PRKN: variants seen among roughly 807,000 people sequenced by gnomAD.
The protein encoded by PRKN is E3 ubiquitin-protein ligase parkin.
A neutral mutation model predicts 59.5 loss-of-function variants in PRKN; 56 were observed. The ratio of observed to expected loss-of-function variants is 0.94; its 90% CI spans 0.76 to 1.18. PRKN has a LOEUF of 1.18. PRKN is among the 50% of genes most tolerant of loss of function. The pLI, the probability that PRKN is intolerant of heterozygous loss-of-function variation, is 0.00. For synonymous variants in PRKN, 250 were observed against 222.1 expected (o/e 1.13, Z -1.12); for missense variants, 657 against 596.4 (o/e 1.10, Z -1.06).
At chr6:162,086,174 C>T (rs1166462278) in intron 4 of PRKN, among the ~76,000 whole-genome samples, 3 of 152,060 alleles carry the variant, frequency 2.0e-5, no homozygotes, top group African/African-American at 7.2e-5. Flanking sequence ...CTTTAGGGAG[C>T]ATTTCTTTAA....
At chr6:161,923,445 G>C (rs943029256) in intron 6 of PRKN, among the ~76,000 whole-genome samples, 2 of 152,038 alleles carry the variant, frequency 1.3e-5, no homozygotes, top group African/African-American at 4.8e-5. Flanking sequence ...ATCACACCCT[G>C]CCTCAATAAA....
chr6:161,704,252 G>A, intron 7 of PRKN, among the ~76,000 whole-genome samples: 1 of 152,110 alleles, frequency 6.6e-6, no homozygotes, highest in East Asian at 1.9e-4. Context: ...CTGAGTGCAT[G>A]AAGGCAGTCT....
At chr6:162,073,679 C>T (rs113614469) in intron 4 of PRKN, among the ~76,000 whole-genome samples, 40 of 152,128 alleles carry the variant, frequency 2.6e-4, no homozygotes, top group African/African-American at 6.8e-4. Context: ...GTGGAACTCC[C>T]GGGCTCAAGC....
intron 2 of PRKN, among the ~76,000 whole-genome samples, chr6:162,340,347 T>C (rs1784118895): frequency 6.6e-6 from 1 of 152,168 alleles, no homozygotes. Context: ...TTCATTGTTC[T>C]GAAAATTGGA....
chr6:161,757,933 G>GTGTGTGTATATATATA (rs1554301354), intron 7 of PRKN, among the ~76,000 whole-genome samples: 7 of 101,432 alleles, frequency 6.9e-5, no homozygotes, highest in African/African-American at 1.9e-4. Context: ...CTCTCTCTCT[G>GTGTGTGTATATATATA]TATATATATG....
At chr6:162,494,915 A>G (rs1374800871) in intron 1 of PRKN, among the ~76,000 whole-genome samples, 1 of 152,228 alleles carries the variant, frequency 6.6e-6, no homozygotes, top group African/African-American at 2.4e-5. Flanking sequence ...AGACCAGAAC[A>G]TAGTAGCTAA....
intron 1 of PRKN, among the ~76,000 whole-genome samples, chr6:162,548,367 T>C (rs974708733): frequency 6.6e-6 from 1 of 152,178 alleles, no homozygotes; most frequent in Non-Finnish European, 1.5e-5. Context: ...CTCTCTCTGA[T>C]AGTTTTTTAA....
At chr6:162,441,602 A>G (rs374786267) in intron 2 of PRKN, among the ~76,000 whole-genome samples, 30 of 152,332 alleles carry the variant, frequency 2.0e-4, no homozygotes, top group African/African-American at 6.5e-4. Context: ...AAAAATGGCA[A>G]TCCCATATGG....
chr6:161,929,517 C>CTTTTTTTTTTTTTTT (rs759945931), intron 6 of PRKN, among the ~76,000 whole-genome samples: 1 of 72,272 alleles, frequency 1.4e-5, no homozygotes, highest in Non-Finnish European at 2.5e-5. Flanking sequence ...AATTTCACCT[C>CTTTTTTTTTTTTTTT]TTTTTTTTTT....
intron 2 of PRKN, among the ~76,000 whole-genome samples, chr6:162,301,619 G>A (rs1781955866): frequency 2.0e-5 from 3 of 151,888 alleles, no homozygotes. Context: ...CTCTGTGTTT[G>A]TGCTCTCATG....
chr6:162,506,936 T>C (rs1793636707), intron 1 of PRKN, among the ~76,000 whole-genome samples: 2 of 152,120 alleles, frequency 1.3e-5, no homozygotes, highest in Admixed American at 1.3e-4. Context: ...ATCCCATATT[T>C]TGAGGAAATT....
At chr6:161,916,927 G>A (rs1273999817) in intron 6 of PRKN, among the ~76,000 whole-genome samples, 3 of 151,944 alleles carry the variant, frequency 2.0e-5, no homozygotes, top group Non-Finnish European at 2.9e-5. Flanking sequence ...CCAGCCTCCC[G>A]AGTAGCTGGG....
chr6:161,450,851 G>A lies in PRKN; in HGVS notation c.1084-63974C>T, dbSNP rs139995195. Reference sequence around the variant, plus strand: ...ATTACAGGCGTGAGCCACCATGCCCGGCTTGTTTTCTTAATTTAATTAAAA... The same window carrying A: ...ATTACAGGCGTGAGCCACCATGCCCAGCTTGTTTTCTTAATTTAATTAAAA... On this transcript the variant is annotated intron_variant, in intron 9 of 11. Coordinates refer to ENST00000366898, the MANE Select transcript of PRKN (RefSeq NM_004562.3). Among the ~76,000 whole-genome samples, 4 of 152,184 alleles carry A rather than the reference G, an allele frequency of 2.6e-5. No homozygotes were observed. The East Asian group carries it at 5.8e-4, about 22-fold the overall frequency.
intron 4 of PRKN, among the ~76,000 whole-genome samples, chr6:162,150,101 G>C (rs976037281): frequency 6.6e-6 from 1 of 152,140 alleles, no homozygotes; most frequent in Non-Finnish European, 1.5e-5. Context: ...TCATTTCGTA[G>C]TAATATTCCC....
intron 1 of PRKN, among the ~76,000 whole-genome samples, chr6:162,579,747 CACACACATTT>C (rs1780713874): frequency 6.6e-6 from 1 of 151,624 alleles, no homozygotes; most frequent in African/African-American, 2.4e-5. Flanking sequence ...CACACACATT[CACACACATTT>C]ACAAACATAT....
intron 2 of PRKN, among the ~76,000 whole-genome samples, chr6:162,431,892 T>C (rs1190588811): frequency 6.6e-6 from 1 of 152,184 alleles, no homozygotes. Flanking sequence ...AAGTAATTAG[T>C]GAATTTATTG....
At chr6:161,539,498 T>C (rs1213530412) in intron 9 of PRKN, among the ~76,000 whole-genome samples, 1 of 150,372 alleles carries the variant, frequency 6.7e-6, no homozygotes, top group Non-Finnish European at 1.5e-5. Context: ...GCATATTTCC[T>C]TCTCCCTAAG....
At chr6:162,513,736 TA>T (rs1183465253) in intron 1 of PRKN, among the ~76,000 whole-genome samples, 1 of 152,030 alleles carries the variant, frequency 6.6e-6, no homozygotes, top group East Asian at 1.9e-4. Flanking sequence ...AGGCATCAGG[TA>T]GTAAAACTGT....
At chr6:161,416,461 A>G (rs956206889) in intron 9 of PRKN, among the ~76,000 whole-genome samples, 2 of 152,118 alleles carry the variant, frequency 1.3e-5, no homozygotes, top group Non-Finnish European at 2.9e-5. Flanking sequence ...TTTGTTGAAT[A>G]AATGTGTGAA....
Sources: gnomAD v4.1 joint callset for allele counts (sites outside exome capture counted in the v4.1 genomes callset) on GRCh38, gnomAD v4.1.1 for gene constraint, MANE v1.5 for transcripts, NCBI Gene and HGNC (gene_info 2026-07-23, HGNC 2026-07-21) for gene names.